Variants in DPP6 observed in about 807,000 individuals in gnomAD.
DPP6 encodes the protein A-type potassium channel modulatory protein DPP6.
A neutral mutation model predicts 122.6 loss-of-function variants in DPP6; 69 were observed. That is an observed-to-expected ratio of 0.56 (90% CI 0.46 to 0.69). The LOEUF is 0.69. Ranked by LOEUF, DPP6 falls within the 30% of genes least tolerant of loss-of-function variation. The pLI is 0.00. For synonymous variants in DPP6, 418 were observed against 433.1 expected, an observed-to-expected ratio of 0.97 and a Z score of 0.43; for missense variants, 928 against 1,116.9, an observed-to-expected ratio of 0.83 and a Z score of 2.41.
intron 1 of DPP6, among the ~76,000 whole-genome samples, chr7:153,963,482 C>T (rs1229746229): frequency 3.4e-5 from 5 of 147,118 alleles, no homozygotes; most frequent in Non-Finnish European, 6.1e-5. Context: ...AGGCCACCAT[C>T]TGACACAGAG....
chr7:154,524,877 G>A (rs1827277123), intron 3 of DPP6, among the ~76,000 whole-genome samples: 1 of 152,054 alleles, frequency 6.6e-6, no homozygotes. Flanking sequence ...ACTGGTCTTT[G>A]CTTTCTGGCC....
intron 17 of DPP6, 72 bp downstream of exon 17, chr7:154,853,899 A>G: frequency 6.3e-7 from 1 of 1,592,566 alleles, no homozygotes; most frequent in Non-Finnish European, 8.6e-7. Context: ...CTATGAGATC[A>G]GCTGGCCCAC....
chr7:154,648,937 C>A (rs1836688888), intron 6 of DPP6, among the ~76,000 whole-genome samples: 1 of 147,772 alleles, frequency 6.8e-6, no homozygotes, highest in Non-Finnish European at 1.5e-5. Context: ...AAAAAAAATA[C>A]ACTTTTTAAA....
intron 1 of DPP6, among the ~76,000 whole-genome samples, chr7:154,288,084 G>A (rs775721153): frequency 8.5e-5 from 13 of 152,162 alleles, no homozygotes; most frequent in Non-Finnish European, 1.2e-4. Flanking sequence ...GTTGTTCCCC[G>A]CAGTCACATA....
intron 4 of DPP6, among the ~76,000 whole-genome samples, chr7:154,541,429 T>C (rs1231573960): frequency 6.6e-6 from 1 of 152,216 alleles, no homozygotes; most frequent in African/African-American, 2.4e-5. Flanking sequence ...GCCACTGTAC[T>C]CGACCCCAAA....
intron 8 of DPP6, among the ~76,000 whole-genome samples, chr7:154,749,835 G>A (rs1490377378): frequency 3.9e-5 from 5 of 128,800 alleles, no homozygotes; most frequent in East Asian, 2.6e-4. Flanking sequence ...AGAGTGTGAG[G>A]AAGCATAGGA....
chr7:154,663,940 A>T (rs1364572988), intron 6 of DPP6, among the ~76,000 whole-genome samples: 186 of 57,964 alleles, frequency 3.2e-3, no homozygotes, highest in African/African-American at 7.0e-3. Flanking sequence ...CATGTAGTCA[A>T]GATGAATCAC....
chr7:154,669,493 T>A (rs1838414143), intron 7 of DPP6, 52 bp downstream of exon 7: 2 of 1,546,372 alleles, frequency 1.3e-6, no homozygotes, highest in Non-Finnish European at 1.7e-6. Context: ...AAGTTTCTGT[T>A]TTCTAAGCTG....
In DPP6 at chr7:154,859,319, G is replaced by A. The variant is rs937346598; in HGVS notation, c.1714+5492G>A. On this transcript the variant is annotated intron_variant, in intron 17 of 25. Coordinates refer to ENST00000377770, the MANE Select transcript of DPP6 (RefSeq NM_130797.4). The stretch of plus-strand genomic sequence containing the variant: ...GGGGCCCATGGCCTACAGCTGGGCA[G>A]GGCAAGACAGGAGGCCTCGGGGAGC... Among the ~76,000 whole-genome samples, 51 of 152,264 alleles carry A rather than the reference G, an allele frequency of 3.3e-4. 1 individual carries two copies. The highest frequency in any genetic ancestry group is 2.7e-3 in the Admixed American group (41 of 15,292).
intron 7 of DPP6, among the ~76,000 whole-genome samples, chr7:154,723,588 G>T (rs1334835900): frequency 6.6e-6 from 1 of 152,164 alleles, no homozygotes; most frequent in Non-Finnish European, 1.5e-5. Flanking sequence ...CCTCATTTCT[G>T]GCTGAAGTGA....
intron 1 of DPP6, among the ~76,000 whole-genome samples, chr7:153,928,933 G>A (rs1473950446): frequency 2.0e-5 from 3 of 152,154 alleles, no homozygotes; most frequent in Non-Finnish European, 4.4e-5. Context: ...CTCCCCGCAC[G>A]TCGATTCAGA....
At chr7:154,150,285 C>A (rs1162261521) in intron 1 of DPP6, among the ~76,000 whole-genome samples, 2 of 152,142 alleles carry the variant, frequency 1.3e-5, no homozygotes, top group African/African-American at 4.8e-5. Context: ...CCCACTTGCC[C>A]TCAGCACTTG....
chr7:154,792,755 G>A (rs1432510334), intron 10 of DPP6, among the ~76,000 whole-genome samples: 6 of 152,336 alleles, frequency 3.9e-5, no homozygotes, highest in South Asian at 4.1e-4. Context: ...TGAAAGGCAC[G>A]AGAGCTGGAT....
chr7:154,236,379 C>A, intron 1 of DPP6, among the ~76,000 whole-genome samples: 1 of 152,170 alleles, frequency 6.6e-6, no homozygotes, highest in East Asian at 1.9e-4. Flanking sequence ...TGTTACTTAA[C>A]ACTTCAATTT....
chr7:154,077,279 A>G (rs1803624545), intron 1 of DPP6, among the ~76,000 whole-genome samples: 1 of 152,228 alleles, frequency 6.6e-6, no homozygotes, highest in South Asian at 2.1e-4. Context: ...TACTCCATAG[A>G]CACCATATTC....
At chr7:154,889,123 T>C in intron 23 of DPP6, 149 bp from the exon 24 acceptor site, 1 of 1,289,134 alleles carries the variant, frequency 7.8e-7, no homozygotes, top group African/African-American at 1.5e-5. Flanking sequence ...TGCCCTGCAT[T>C]TCTTTGCAGA....
At chr7:154,123,299 T>C (rs2150611548) in intron 1 of DPP6, among the ~76,000 whole-genome samples, 1 of 152,336 alleles carries the variant, frequency 6.6e-6, no homozygotes, top group Middle Eastern at 3.4e-3. Context: ...TTTCAGGGCT[T>C]TCTTTGAAGC....
At chr7:154,701,285 C>T (rs1840512097) in intron 7 of DPP6, among the ~76,000 whole-genome samples, 1 of 152,236 alleles carries the variant, frequency 6.6e-6, no homozygotes, top group Non-Finnish European at 1.5e-5. Context: ...CAACAGCCCC[C>T]TTGTGCTGAT....
chr7:154,429,473 G>C (rs983441722), intron 1 of DPP6, among the ~76,000 whole-genome samples: 6 of 152,152 alleles, frequency 3.9e-5, no homozygotes, highest in Admixed American at 2.0e-4. Flanking sequence ...GTTGGAGTTG[G>C]GTCTCTCAGC....
Sources: gnomAD v4.1 joint callset for allele counts (sites outside exome capture counted in the v4.1 genomes callset) on GRCh38, gnomAD v4.1.1 for gene constraint, MANE v1.5 for transcripts, NCBI Gene and HGNC (gene_info 2026-07-23, HGNC 2026-07-21) for gene names.